Variants in DCLK1 observed in about 807,000 individuals in gnomAD.
DCLK1 encodes the protein serine/threonine-protein kinase DCLK1.
Under a neutral mutation model 86.2 loss-of-function variants are expected in DCLK1, and 16 were observed. The ratio of observed to expected loss-of-function variants is 0.19; its 90% CI spans 0.13 to 0.28. DCLK1 has a LOEUF of 0.28. Ranked by LOEUF, DCLK1 falls within the 10% of genes least tolerant of loss-of-function variation. The pLI is 1.00. For synonymous variants in DCLK1, 369 were observed against 370.5 expected (o/e 1.00, Z 0.05); for missense variants, 590 against 940.2 (o/e 0.63, Z 4.87).
chr13:35,956,785 A>G (rs1878009598), intron 3 of DCLK1, among the ~76,000 whole-genome samples: 1 of 151,822 alleles, frequency 6.6e-6, no homozygotes, highest in African/African-American at 2.4e-5. Flanking sequence ...AGCAAGCAGC[A>G]TCAGGCACTC....
intron 7 of DCLK1, among the ~76,000 whole-genome samples, chr13:35,838,072 A>AAAAAAAAAG (rs1555343219): frequency 6.7e-6 from 1 of 149,836 alleles, no homozygotes; most frequent in African/African-American, 2.5e-5. Context: ...TCTCAAAAAA[A>AAAAAAAAAG]AAAAGAAAAG....
intron 3 of DCLK1, among the ~76,000 whole-genome samples, chr13:36,097,448 T>C (rs1885058838): frequency 6.6e-6 from 1 of 152,222 alleles, no homozygotes; most frequent in Non-Finnish European, 1.5e-5. Flanking sequence ...ATTCACACTC[T>C]ATAAAATAGT....
At chr13:35,867,696 A>T (rs185982718) in intron 5 of DCLK1, among the ~76,000 whole-genome samples, 6 of 152,236 alleles carry the variant, frequency 3.9e-5, no homozygotes, top group Admixed American at 1.3e-4. Context: ...AAATTCTTAC[A>T]ATGCTGAATA....
intron 8 of DCLK1, among the ~76,000 whole-genome samples, chr13:35,833,021 T>C (rs1031494091): frequency 2.0e-5 from 3 of 152,184 alleles, no homozygotes; most frequent in Admixed American, 1.3e-4. Context: ...GTGGAAGCAA[T>C]GCATTTTGGT....
chr13:36,023,455 T>C lies in DCLK1; in HGVS notation c.724-75998A>G, dbSNP rs9805512. Among the ~76,000 whole-genome samples the C allele has an allele frequency of 2.7e-3, 405 of 152,256 alleles. 1 individual carries two copies. Among genetic ancestry groups the C allele is most frequent in the African/African-American group, 9.1e-3 (377 of 41,556 alleles). On this transcript the variant is annotated intron_variant, in intron 3 of 16. Transcript: ENST00000360631. ...GAAGGCAGTCTGTTGGAGACCCTCT[T>C]GCTCAAGAAGGTGGGTCATTTGCTC...
At chr13:35,874,748 C>T (rs1566580329) in intron 4 of DCLK1, among the ~76,000 whole-genome samples, 1 of 152,134 alleles carries the variant, frequency 6.6e-6, no homozygotes, top group Non-Finnish European at 1.5e-5. Flanking sequence ...ACAATAACGC[C>T]CAAGGTGTCC....
intron 5 of DCLK1, among the ~76,000 whole-genome samples, chr13:35,867,875 G>A (rs1212181015): frequency 2.9e-4 from 33 of 114,508 alleles, no homozygotes; most frequent in Admixed American, 5.2e-4. Flanking sequence ...AAGAAAGAGA[G>A]AGGGAGAGAG....
chr13:35,972,240 T>C (rs368633372), intron 3 of DCLK1, among the ~76,000 whole-genome samples: 2 of 152,264 alleles, frequency 1.3e-5, no homozygotes, highest in South Asian at 4.1e-4. Context: ...CTCATGTAGA[T>C]TCTTAATCAA....
intron 3 of DCLK1, among the ~76,000 whole-genome samples, chr13:36,042,291 A>G (rs1324982909): frequency 6.6e-6 from 1 of 152,224 alleles, no homozygotes; most frequent in Non-Finnish European, 1.5e-5. Context: ...CTCACAATAT[A>G]CAGTATGGAT....
At chr13:35,836,281 C>T (rs1239215886) in intron 7 of DCLK1, 140 bp from the exon 8 acceptor site, 1 of 679,612 alleles carries the variant, frequency 1.5e-6, no homozygotes, top group Non-Finnish European at 2.5e-6. Context: ...AGGCAACTGC[C>T]TCCCCACCCT....
intron 3 of DCLK1, among the ~76,000 whole-genome samples, chr13:35,970,767 C>T (rs1022946): frequency 0.3 from 45,924 of 151,998 alleles, 7,728 homozygotes; most frequent in East Asian, 0.57. Context: ...TACTCAGCCT[C>T]GGGTATTCTG....
chr13:36,053,298 C>A (rs1423664183), intron 3 of DCLK1, among the ~76,000 whole-genome samples: 1 of 152,034 alleles, frequency 6.6e-6, no homozygotes, highest in Non-Finnish European at 1.5e-5. Context: ...GCGAGCGGGG[C>A]AGGTATGTAC....
chr13:35,816,248 C>T (rs759351587), intron 11 of DCLK1, among the ~76,000 whole-genome samples: 9 of 152,258 alleles, frequency 5.9e-5, no homozygotes, highest in Non-Finnish European at 1.2e-4. Context: ...TCACTATAGA[C>T]GAAAAGGAAC....
At chr13:35,919,806 A>AT (rs974879192) in intron 4 of DCLK1, among the ~76,000 whole-genome samples, 2 of 146,526 alleles carry the variant, frequency 1.4e-5, no homozygotes, top group African/African-American at 5.1e-5. Flanking sequence ...CTCAAAAAAA[A>AT]TTTTTTTTCA....
intron 16 of DCLK1, among the ~76,000 whole-genome samples, chr13:35,793,133 T>C (rs1322555327): frequency 6.6e-6 from 1 of 152,128 alleles, no homozygotes; most frequent in Admixed American, 6.5e-5. Flanking sequence ...AAAATTAATA[T>C]ATACTGCAAG....
Position 35,957,699 on chromosome 13 carries a change from G to A in DCLK1, c.724-10242C>T, listed in dbSNP as rs551528369. On this transcript the variant is annotated intron_variant, in intron 3 of 16. Coordinates refer to ENST00000360631, the MANE Select transcript of DCLK1 (RefSeq NM_001330071.2). ...AGCCATGGAAGTATGCTTTTGCCAG[G>A]AACATTTGTAAAGGTCACTTAACGT... Among the ~76,000 whole-genome samples, 74 of 152,200 alleles carry A rather than the reference G, an allele frequency of 4.9e-4. 1 individual carries two copies. The South Asian group carries it at 0.014, about 29-fold the overall frequency.
intron 3 of DCLK1, among the ~76,000 whole-genome samples, chr13:36,060,964 C>G (rs79448357): frequency 0.013 from 1,964 of 152,210 alleles, 46 homozygotes; most frequent in African/African-American, 0.045. Context: ...TGGTTAGGAA[C>G]AATGTGTGCA....
chr13:36,013,183 G>A (rs1432006118), intron 3 of DCLK1, among the ~76,000 whole-genome samples: 48 of 149,886 alleles, frequency 3.2e-4, no homozygotes, highest in East Asian at 5.9e-4. Flanking sequence ...ATGTCCTCCC[G>A]TAGCTCAGAG....
intron 2 of DCLK1, among the ~76,000 whole-genome samples, chr13:36,124,627 G>A (rs1057207857): frequency 7.9e-5 from 12 of 152,176 alleles, no homozygotes; most frequent in African/African-American, 2.4e-4. Flanking sequence ...GGGCTGCAAC[G>A]GGTGCTTCCT....
Sources: gnomAD v4.1 joint callset for allele counts (sites outside exome capture counted in the v4.1 genomes callset) on GRCh38, gnomAD v4.1.1 for gene constraint, MANE v1.5 for transcripts, NCBI Gene and HGNC (gene_info 2026-07-23, HGNC 2026-07-21) for gene names.